The following ABCA5 variants were observed in gnomAD, a reference collection of about 807,000 sequenced individuals.
ABCA5 encodes the protein cholesterol transporter ABCA5.
Under a neutral mutation model 206.0 loss-of-function variants are expected in ABCA5, and 163 were observed. The ratio of observed to expected loss-of-function variants is 0.79; its 90% confidence interval spans 0.70 to 0.90. The LOEUF (loss-of-function observed/expected upper bound fraction) is 0.90. ABCA5 is among the 40% of genes least tolerant of loss of function. The probability of loss-of-function intolerance (pLI) is 0.00; values close to 1 mark genes in which losing one functional copy is unlikely to be tolerated. For missense variants in ABCA5, 1,859 were observed against 1,912.9 expected, an observed-to-expected ratio of 0.97 and a Z score of 0.53; for synonymous variants, 609 against 613.8, an observed-to-expected ratio of 0.99 and a Z score of 0.11.
In ABCA5 at chr17:69,274,136, G is replaced by GA. The variant is rs373308698; in HGVS notation, c.2595-9dup. 0.016 allele frequency: 20,816 copies of GA among 1,267,602 alleles called. 20 individuals are homozygous for GA. Among genetic ancestry groups the GA allele is most frequent in the African/African-American group, 0.033 (2,098 of 63,644 alleles). The allele number at this position is 1,267,602 out of a possible 1,614,324, so 78.5% of individuals were successfully genotyped here. ...ATTAAAAGCAGAAGCAACCTGAAAAGAAAAAAAAAACAACACAGCTCAGGG... is the reference window on the plus strand; with the variant it reads ...ATTAAAAGCAGAAGCAACCTGAAAAGAAAAAAAAAAACAACACAGCTCAGGG... On this transcript the variant is annotated splice_polypyrimidine_tract_variant and intron_variant, in intron 19 of 38. Transcript: ENST00000392676.
intron 26 of ABCA5, 57 bp from the exon 27 acceptor site, chr17:69,260,469 A>C (rs1169199837): frequency 1.8e-6 from 2 of 1,129,602 alleles, no homozygotes; most frequent in East Asian, 2.5e-5. Flanking sequence ...TATTTGGATT[A>C]AAATGAAAAA....
Position 69,274,839 on chromosome 17 carries a change from C to CTT in ABCA5, c.2595-713_2595-712dup, listed in dbSNP as rs3052556. Among the ~76,000 whole-genome samples, 35 of 85,748 alleles carry CTT rather than the reference C, an allele frequency of 4.1e-4. 2 individuals carry two copies. The highest frequency in any genetic ancestry group is 1.3e-3 in the African/African-American group (29 of 22,738). The allele number at this position is 85,748 out of a possible 152,430, so 56.3% of individuals were successfully genotyped here. A position where few individuals can be genotyped will look rare whatever the true frequency, so the allele number is the denominator to read the frequency against. The stretch of plus-strand genomic sequence containing the variant: ...GTCCTGTCTCTATCTTAACCATTTA[C>CTT]TTTTTTTTTTTTTTTTTTTTTTGAG... On this transcript the variant is annotated intron_variant, in intron 19 of 38. Transcript: ENST00000392676.
chr17:69,250,698 AT>A, intron 35 of ABCA5, 77 bp from the exon 36 acceptor site: 1 of 1,087,818 alleles, frequency 9.2e-7, no homozygotes, highest in South Asian at 1.7e-5. Context: ...ATATAACTAC[AT>A]TTTAAAAAAA....
chr17:69,272,039 GT>G (rs2075279188), intron 20 of ABCA5, among the ~76,000 whole-genome samples: 1 of 152,182 alleles, frequency 6.6e-6, no homozygotes, highest in South Asian at 2.1e-4. Flanking sequence ...AAGGACAAAT[GT>G]GACTTTAGAG....
chr17:69,301,035 T>C (rs12938097), intron 9 of ABCA5, 104 bp downstream of exon 9: 463,396 of 1,027,090 alleles, frequency 0.45, 107,471 homozygotes, highest in Middle Eastern at 0.52. Context: ...GAATATGACT[T>C]AGGGTACCCT....
intron 18 of ABCA5, among the ~76,000 whole-genome samples, chr17:69,279,724 T>C (rs1364031198): frequency 5.9e-5 from 9 of 152,058 alleles, no homozygotes; most frequent in East Asian, 1.9e-4. Flanking sequence ...TCAGAAATAA[T>C]GCCGCATATC....
At chr17:69,322,187 T>A (rs2075869916) in intron 1 of ABCA5, among the ~76,000 whole-genome samples, 1 of 151,890 alleles carries the variant, frequency 6.6e-6, no homozygotes, top group Non-Finnish European at 1.5e-5. Flanking sequence ...CCGGCCAACA[T>A]GGTGAAACCC....
intron 15 of ABCA5, among the ~76,000 whole-genome samples, chr17:69,287,346 A>G (rs964595393): frequency 6.6e-6 from 1 of 152,110 alleles, no homozygotes; most frequent in African/African-American, 2.4e-5. Flanking sequence ...TTAGCTTTGT[A>G]TCCTTTTGCT....
At chr17:69,286,824 T>C (rs2075459820) in intron 15 of ABCA5, among the ~76,000 whole-genome samples, 1 of 152,330 alleles carries the variant, frequency 6.6e-6, no homozygotes, top group African/African-American at 2.4e-5. Context: ...AATTTCAAAC[T>C]TCTATATCTG....
rs79868052 is a variant in ABCA5, at chr17:69,291,197, T to C, written c.1606+19A>G. The C allele has an allele frequency of 1.3e-5, 19 of 1,494,506 alleles. No individual in the cohort carries two copies. Among genetic ancestry groups the C allele is most frequent in the Non-Finnish European group, 1.7e-5 (19 of 1,101,378 alleles). 92.6% of individuals were successfully genotyped at this position (1,494,506 alleles called of 1,614,324 possible). On this transcript the variant is annotated intron_variant, in intron 12 of 38. Transcript: ENST00000392676. ...ATATATATAATGAAGTTTTTTTTTC[T>C]TTAAGACAGAAAACTCACCATCAGA...
chr17:69,247,410 A>G lies in ABCA5; in HGVS notation c.*127T>C. Reference sequence around the variant, plus strand: ...CACAACCACAGCATTTCAATTAAGGAGCTTAGAAAAATTTCAAGTGCGTTC... The same window carrying G: ...CACAACCACAGCATTTCAATTAAGGGGCTTAGAAAAATTTCAAGTGCGTTC... On this transcript the variant is annotated 3_prime_UTR_variant, in exon 39 of 39. Coordinates refer to ENST00000392676, the MANE Select transcript of ABCA5 (RefSeq NM_172232.4). 1.6e-6 allele frequency: 1 copy of G among 608,426 alleles called. No individual in the cohort carries two copies. Among genetic ancestry groups the G allele is most frequent in the Non-Finnish European group, 2.9e-6 (1 of 346,954 alleles). The allele number at this position is 608,426 out of a possible 1,614,324, so 37.7% of individuals were successfully genotyped here.
At chr17:69,261,337 A>G in intron 25 of ABCA5, 78 bp from the exon 26 acceptor site, 1 of 1,303,018 alleles carries the variant, frequency 7.7e-7, no homozygotes, top group East Asian at 2.4e-5. Flanking sequence ...GCATTAAACT[A>G]TTTTTTCAAT....
chr17:69,263,065 C>T (rs1164445457), intron 24 of ABCA5, among the ~76,000 whole-genome samples: 5 of 152,082 alleles, frequency 3.3e-5, no homozygotes, highest in Non-Finnish European at 7.3e-5. Context: ...ATATCTTTTG[C>T]CCACTTTTTA....
chr17:69,256,673 C>T (rs964162069), intron 28 of ABCA5, among the ~76,000 whole-genome samples: 4 of 151,940 alleles, frequency 2.6e-5, no homozygotes, highest in Admixed American at 2.6e-4. Flanking sequence ...CCAGGCTGGT[C>T]TCAAACTCCT....
intron 9 of ABCA5, among the ~76,000 whole-genome samples, chr17:69,298,772 G>T (rs2075619546): frequency 6.6e-6 from 1 of 152,106 alleles, no homozygotes; most frequent in Non-Finnish European, 1.5e-5. Context: ...AAAAGGCAAA[G>T]ACTTCATGAC....
At chr17:69,268,117 T>C (rs970966616) in intron 22 of ABCA5, 61 bp from the exon 23 acceptor site, 1 of 573,454 alleles carries the variant, frequency 1.7e-6, no homozygotes, top group African/African-American at 3.0e-5. Flanking sequence ...TTAAGATATA[T>C]CTTAGGATAT....
At chr17:69,264,403 T>A (rs2075184912) in intron 24 of ABCA5, among the ~76,000 whole-genome samples, 1 of 152,170 alleles carries the variant, frequency 6.6e-6, no homozygotes, top group African/African-American at 2.4e-5. Flanking sequence ...GAGCTTATCC[T>A]TTGTGAAATT....
Position 69,308,378 on chromosome 17 carries a change from G to A in ABCA5, c.470-10C>T. ...GATTTTGAACAGCCAGCTATGGGGG[G>A]AAGAATATGAGATCTAAGATTCTGT... On this transcript the variant is annotated splice_polypyrimidine_tract_variant and intron_variant, in intron 4 of 38. Transcript: ENST00000392676. The A allele has an allele frequency of 6.3e-7, 1 of 1,590,816 alleles. No individual in the cohort carries two copies. The highest frequency in any genetic ancestry group is 8.6e-7 in the Non-Finnish European group (1 of 1,159,996).
Position 69,254,554 on chromosome 17 carries a change from T to C in ABCA5, c.4069-64A>G, listed in dbSNP as rs957958256. ...TTTACACTGTGAAGGAAGTGGCAAG[T>C]ACATTAATTAAAACCCCTTCCTACA... is the stretch of plus-strand genomic sequence containing the variant. On this transcript the variant is annotated intron_variant, in intron 31 of 38. Transcript: ENST00000392676. 9.6e-6 allele frequency: 13 copies of C among 1,354,800 alleles called. No individual in the cohort carries two copies. The Admixed American group carries it at 1.7e-4, about 18-fold the overall frequency. The allele number at this position is 1,354,800 out of a possible 1,614,324, so 83.9% of individuals were successfully genotyped here.
Sources: allele counts gnomAD v4.1 joint callset (sites outside exome capture counted in the v4.1 genomes callset), GRCh38; gene constraint gnomAD v4.1.1; transcripts MANE v1.5; gene names NCBI Gene and HGNC (gene_info 2026-07-23, HGNC 2026-07-21).